Variants in BEND3 observed in about 807,000 individuals in gnomAD.
BEND3 encodes the protein BEN domain-containing protein 3.
A neutral mutation model predicts 60.1 loss-of-function variants in BEND3; 13 were observed. The observed-to-expected ratio is 0.22, with a 90% CI of 0.14 to 0.34. The LOEUF (loss-of-function observed/expected upper bound fraction) is 0.34. Ranked by LOEUF, BEND3 falls within the 10% of genes least tolerant of loss-of-function variation. BEND3 has a pLI of 1.00. For missense variants in BEND3, 896 were observed against 1,138.1 expected (o/e 0.79, Z 3.06); for synonymous variants, 497 against 491.5 (o/e 1.01, Z -0.15).
rs1165902761 is a variant in BEND3, at chr6:107,115,084, A to G, written c.-12+6T>C. The G allele has an allele frequency of 2.0e-5, 3 of 148,530 alleles. No homozygotes were observed. The highest frequency in any genetic ancestry group is 4.5e-5 in the Non-Finnish European group (3 of 66,898). 9.2% of individuals were successfully genotyped at this position (148,530 alleles called of 1,614,324 possible). Reference sequence around the variant, plus strand: ...GCGCGGCCGGCTTGATCCGCCCCGCACTTACCTGGGACGCGAGTTCTGTAC... The same window carrying G: ...GCGCGGCCGGCTTGATCCGCCCCGCGCTTACCTGGGACGCGAGTTCTGTAC... On this transcript the variant is annotated splice_donor_region_variant and intron_variant, in intron 1 of 3. Coordinates refer to ENST00000369042, the MANE Select transcript of BEND3 (RefSeq NM_001367314.1).
At chr6:107,073,197 GTATGTATATATATATATATATATATA>G (rs1292820146) in intron 3 of BEND3, among the ~76,000 whole-genome samples, 381 of 30,204 alleles carry the variant, frequency 0.013, 35 homozygotes, top group African/African-American at 0.026. Flanking sequence ...GTTTGTATGT[GTATGTATATATATATATATATATATA>G]TATATATATA....
At chr6:107,099,385 C>T in intron 1 of BEND3, 89 bp from the exon 2 acceptor site, 1 of 1,127,500 alleles carries the variant, frequency 8.9e-7, no homozygotes, top group African/African-American at 1.5e-5. Context: ...CTTACCCTCC[C>T]AACCCCAGCT....
At chr6:107,113,712 G>A (rs1770177174) in intron 1 of BEND3, among the ~76,000 whole-genome samples, 1 of 152,112 alleles carries the variant, frequency 6.6e-6, no homozygotes, top group South Asian at 2.1e-4. Flanking sequence ...AGGAAAGCTT[G>A]ACAGGCTCTT....
Position 107,069,624 on chromosome 6 carries a change from C to A in BEND3, c.1567G>T (p.Gly523Cys). The A allele has an allele frequency of 6.2e-7, 1 of 1,611,356 alleles. No homozygotes were observed. Among genetic ancestry groups the A allele is most frequent in the Non-Finnish European group, 8.5e-7 (1 of 1,180,004 alleles). ...AGCCAGATCTTCTTGGAGCGGCGAC[C>A]CGGCCGCTCGCCCTCGAAGCTGTCC... Reference protein sequence around the residue: ...VEDSFEGERPGRRSKKIWLVP... With the variant: ...VEDSFEGERPCRRSKKIWLVP... The change falls in exon 4 of 4, where the codon GGT (glycine) becomes TGT (cysteine). Residue 523 changes from glycine to cysteine, a missense_variant. Coordinates refer to ENST00000369042, the MANE Select transcript of BEND3 (RefSeq NM_001367314.1).
chr6:107,088,357 G>T (rs1276359607), intron 3 of BEND3, among the ~76,000 whole-genome samples: 1 of 152,110 alleles, frequency 6.6e-6, no homozygotes, highest in Non-Finnish European at 1.5e-5. Context: ...GTTACAAAGG[G>T]TGTTACATAT....
Position 107,069,633 on chromosome 6 carries a change from C to T in BEND3, c.1558G>A (p.Glu520Lys), listed in dbSNP as rs1774918370. 3 of 1,610,622 alleles carry T rather than the reference C, an allele frequency of 1.9e-6. No individual in the cohort carries two copies. The highest frequency in any genetic ancestry group is 1.7e-5 in the Admixed American group (1 of 59,996). ...TTCTTGGAGCGGCGACCCGGCCGCT[C>T]GCCCTCGAAGCTGTCCTCCACCTTG... ...VVKVEDSFEGERPGRRSKKIW... is the reference protein window; with the variant it reads ...VVKVEDSFEGKRPGRRSKKIW... The change falls in exon 4 of 4, where the codon GAG (glutamate) becomes AAG (lysine). Residue 520 changes from glutamate (E) to lysine (K), a missense_variant. Glu to Lys is a moderately conservative substitution (Grantham distance 56). Around this residue, in one of 4 missense-constraint regions of BEND3, gnomAD observed 846 missense variants for 1,036.7 expected, o/e 0.82. Transcript: ENST00000369042.
intron 1 of BEND3, 67 bp downstream of exon 1, chr6:107,115,023 G>A (rs1467514779): frequency 6.7e-6 from 1 of 148,280 alleles, no homozygotes; most frequent in African/African-American, 2.4e-5. Context: ...CACTCTACCG[G>A]CCGCTCGCCC....
intron 1 of BEND3, among the ~76,000 whole-genome samples, chr6:107,112,293 T>G (rs1467433667): frequency 2.0e-5 from 3 of 152,166 alleles, no homozygotes; most frequent in African/African-American, 7.2e-5. Flanking sequence ...CTCCAATTTT[T>G]CTCTTTGTAA....
At chr6:107,076,475 A>G (rs1554232789) in intron 3 of BEND3, among the ~76,000 whole-genome samples, 1 of 152,178 alleles carries the variant, frequency 6.6e-6, no homozygotes, top group East Asian at 1.9e-4. Flanking sequence ...TGACTGAACA[A>G]AAAGAAGCTG....
chr6:107,100,204 G>C (rs978746128), intron 1 of BEND3, among the ~76,000 whole-genome samples: 2 of 151,892 alleles, frequency 1.3e-5, no homozygotes, highest in Non-Finnish European at 2.9e-5. Context: ...ATGTTGAAAT[G>C]ATAATATTTT....
rs1554231241 is a variant in BEND3 at position 107,068,739 on chromosome 6, C to T, written c.2452G>A (p.Asp818Asn). The stretch of plus-strand genomic sequence containing the variant: ...ACTTTCTTTGCTTTCTTGAGGATGT[C>T]GCATTTTTTCCTGTTGGGGCGGCGG... ...RCRRPNRKKC[D>N]ILKKAKKVEK is the part of the protein sequence containing the mutation. The change falls in exon 4 of 4, where the codon GAC (aspartate) becomes AAC (asparagine). Residue 818 changes from aspartate to asparagine, a missense_variant. Around this residue, in one of 4 missense-constraint regions of BEND3, gnomAD observed 16 missense variants for 18.0 expected, o/e 0.89. Transcript: ENST00000369042. This position sits in a 1 kb window ranked among gnomAD's most constrained non-coding sequence, Gnocchi z 5.8. 1 of 1,613,794 alleles carries T rather than the reference C, an allele frequency of 6.2e-7. No homozygotes were observed. Among genetic ancestry groups the T allele is most frequent in the Admixed American group, 1.7e-5 (1 of 60,016 alleles).
rs559015315 is a variant in BEND3, at chr6:107,070,895, C to T, written c.296G>A (p.Gly99Asp). Reference sequence around the variant, plus strand: ...GCTCCTGCCCCTGCCGGCCTGCTCACCATTGCCTTGGCAGGGCGAGCTGTT... The same window carrying T: ...GCTCCTGCCCCTGCCGGCCTGCTCATCATTGCCTTGGCAGGGCGAGCTGTT... The part of the protein sequence containing the change: ...RENSSPCQGN[G>D]EQAGRGRSLG... The change falls in exon 4 of 4, where the codon GGT (glycine) becomes GAT (aspartate). Residue 99 changes from glycine (G) to aspartate (D), a missense_variant. By Grantham distance (94) the Gly-to-Asp change is moderately conservative. Coordinates refer to ENST00000369042, the MANE Select transcript of BEND3 (RefSeq NM_001367314.1). This position sits in a 1 kb window ranked among gnomAD's most constrained non-coding sequence, Gnocchi z 6.9. 6.2e-7 allele frequency: 1 copy of T among 1,613,934 alleles called. No individual in the cohort carries two copies. The highest frequency in any genetic ancestry group is 8.5e-7 in the Non-Finnish European group (1 of 1,179,972).
Position 107,068,539 on chromosome 6 carries a change from C to A in BEND3, c.*165G>T, listed in dbSNP as rs1226184365. 1.1e-5 allele frequency: 8 copies of A among 729,208 alleles called. No homozygotes were observed. The highest frequency in any genetic ancestry group is 4.0e-5 in the South Asian group (2 of 50,480). 45.2% of individuals were successfully genotyped at this position (729,208 alleles called of 1,614,324 possible). ...GACCAAACTCAAGGCTTCTTTCTTGCGGTTGGGTGGGTGTTTACGTGTGCA... is the reference window on the plus strand; with the variant it reads ...GACCAAACTCAAGGCTTCTTTCTTGAGGTTGGGTGGGTGTTTACGTGTGCA... On this transcript the variant is annotated 3_prime_UTR_variant, in exon 4 of 4. Transcript: ENST00000369042. The surrounding 1 kb of genome is among the most constrained non-coding windows in gnomAD (Gnocchi z 5.8).
At chr6:107,109,441 T>TAAAAAAAAAAAAAAAAAAAAAA in intron 1 of BEND3, among the ~76,000 whole-genome samples, 1 of 2,072 alleles carries the variant, frequency 4.8e-4, no homozygotes, top group Non-Finnish European at 4.5e-3. Flanking sequence ...AGACTCTGTC[T>TAAAAAAAAAAAAAAAAAAAAAA]CAAAAAAAAA....
At chr6:107,091,348 A>G (rs1775471470) in intron 3 of BEND3, among the ~76,000 whole-genome samples, 1 of 152,140 alleles carries the variant, frequency 6.6e-6, no homozygotes, top group Non-Finnish European at 1.5e-5. Flanking sequence ...GGAAATCAAT[A>G]GATAAAAAAA....
chr6:107,090,623 A>G (rs1554235047), intron 3 of BEND3, among the ~76,000 whole-genome samples: 5 of 152,212 alleles, frequency 3.3e-5, no homozygotes, highest in Admixed American at 3.3e-4. Context: ...AATGAGTGAC[A>G]GCAATAAGAC....
intron 3 of BEND3, among the ~76,000 whole-genome samples, chr6:107,084,088 C>T (rs1382656075): frequency 2.6e-5 from 4 of 152,150 alleles, no homozygotes; most frequent in Non-Finnish European, 4.4e-5. Flanking sequence ...TTCTTAAACC[C>T]GTAAGACCGG....
chr6:107,105,286 G>A (rs1417798132), intron 1 of BEND3, among the ~76,000 whole-genome samples: 1 of 151,330 alleles, frequency 6.6e-6, no homozygotes. Context: ...CAGGAGAATC[G>A]CTTGAACCTG....
chr6:107,100,792 A>G (rs1304725668), intron 1 of BEND3, among the ~76,000 whole-genome samples: 2 of 152,236 alleles, frequency 1.3e-5, no homozygotes, highest in African/African-American at 4.8e-5. Flanking sequence ...ATACATTGCA[A>G]TCTTTAATGT....
Sources: gnomAD v4.1 joint callset for allele counts (sites outside exome capture counted in the v4.1 genomes callset) on GRCh38, gnomAD v4.1.1 for gene constraint, gnomAD v4.1.1 regional missense constraint, Gnocchi (gnomAD v3.1) non-coding constraint, MANE v1.5 for transcripts, NCBI Gene and HGNC (gene_info 2026-07-23, HGNC 2026-07-21) for gene names.